C19orf47: variants seen among roughly 807,000 people sequenced by gnomAD.
C19orf47 encodes uncharacterized protein C19orf47.
In C19orf47, 18 loss-of-function variants were observed where a neutral mutation model predicts 32.3. The ratio of observed to expected loss-of-function variants is 0.56; its 90% CI spans 0.39 to 0.83. C19orf47 has a LOEUF of 0.83. Among genes scored for constraint, C19orf47 ranks in the 40% least tolerant of loss-of-function variants. The pLI is 0.00. For synonymous variants in C19orf47, 202 were observed against 211.1 expected, an observed-to-expected ratio of 0.96 and a Z score of 0.37; for missense variants, 484 against 531.6, an observed-to-expected ratio of 0.91 and a Z score of 0.88.
rs1455820318 is a variant in C19orf47 at position 40,320,045 on chromosome 19, C to G, written c.*1837G>C. ...CTCCGGTCTAACATCTAGGCGGGCC[C>G]TATGATTCTCATCTTCTCTAGCCCC... On this transcript the variant is annotated 3_prime_UTR_variant, in exon 9 of 9. Coordinates refer to ENST00000683109, the MANE Select transcript of C19orf47 (RefSeq NM_001256441.2). 1 of 154,176 alleles carries G rather than the reference C, an allele frequency of 6.5e-6. No homozygotes were observed. The highest frequency in any genetic ancestry group is 1.5e-5 in the Non-Finnish European group (1 of 68,388). The allele number at this position is 154,176 out of a possible 1,614,324, so 9.6% of individuals were successfully genotyped here.
chr19:40,297,657 A>G, the C19orf47 span, among the ~76,000 whole-genome samples: 3 of 137,038 alleles, frequency 2.2e-5, no homozygotes, highest in Admixed American at 7.7e-5. Flanking sequence ...GCGAGATTGC[A>G]CCACTGCACT....
intron 1 of C19orf47, among the ~76,000 whole-genome samples, chr19:40,342,726 G>C (rs1264726889): frequency 2.0e-5 from 3 of 152,168 alleles, no homozygotes; most frequent in African/African-American, 7.2e-5. Context: ...TAAAGGGAGG[G>C]AAGCAATGAG....
the C19orf47 span, among the ~76,000 whole-genome samples, chr19:40,306,947 G>A: frequency 6.6e-6 from 1 of 151,552 alleles, no homozygotes; most frequent in Admixed American, 6.6e-5. Context: ...CCGCCACCTA[G>A]CCCGGCTAAT....
At chr19:40,318,922 C>T (rs1017475275), downstream of C19orf47, among the ~76,000 whole-genome samples, 3 of 152,198 alleles carry the variant, frequency 2.0e-5, no homozygotes, top group Admixed American at 6.5e-5. Context: ...TGGATGATGG[C>T]GAAGGGTACA....
chr19:40,345,448 C>A (rs1278101049), intron 1 of C19orf47, among the ~76,000 whole-genome samples: 3 of 151,348 alleles, frequency 2.0e-5, no homozygotes, highest in African/African-American at 7.3e-5. Context: ...CCTGTAGTCC[C>A]AGCACTTTGG....
In C19orf47 at chr19:40,348,382, C is replaced by A; in HGVS notation, c.-92G>T. 7.0e-7 allele frequency: 1 copy of A among 1,436,958 alleles called. No homozygotes were observed. The highest frequency in any genetic ancestry group is 9.1e-7 in the Non-Finnish European group (1 of 1,095,940). The allele number at this position is 1,436,958 out of a possible 1,614,324, so 89.0% of individuals were successfully genotyped here. ...CCGCCCTCCCTCCCGGCGGCGCCAACTGTCAGACACTCCTCCCCCGGCCCG... is the reference window on the plus strand; with the variant it reads ...CCGCCCTCCCTCCCGGCGGCGCCAAATGTCAGACACTCCTCCCCCGGCCCG... On this transcript the variant is annotated 5_prime_UTR_variant, in exon 1 of 9. Transcript: ENST00000683109.
chr19:40,316,015 G>C (rs2077659850), downstream of C19orf47, among the ~76,000 whole-genome samples: 3 of 151,938 alleles, frequency 2.0e-5, no homozygotes, highest in African/African-American at 7.3e-5. Flanking sequence ...AAAAAAGAGA[G>C]AGAGAGAGAG....
intron 1 of C19orf47, among the ~76,000 whole-genome samples, chr19:40,343,035 G>C (rs1161005597): frequency 1.3e-5 from 2 of 152,150 alleles, no homozygotes; most frequent in African/African-American, 4.8e-5. Flanking sequence ...TGTTGAATGG[G>C]AACTAAAGGA....
At chr19:40,328,104 A>G (rs2077870678) in intron 6 of C19orf47, among the ~76,000 whole-genome samples, 1 of 152,118 alleles carries the variant, frequency 6.6e-6, no homozygotes, top group African/African-American at 2.4e-5. Flanking sequence ...GGCTCGGTGA[A>G]GACCTGTTCA....
Position 40,336,550 on chromosome 19 carries a change from G to C in C19orf47, c.20-143C>G, listed in dbSNP as rs1600203388. ...TGGAGTGCTCCACACACACATGATGGAACTGAGCCTTCCTGACCCTGTGAG... is the reference window on the plus strand; with the variant it reads ...TGGAGTGCTCCACACACACATGATGCAACTGAGCCTTCCTGACCCTGTGAG... On this transcript the variant is annotated intron_variant, in intron 2 of 8. Coordinates refer to ENST00000683109, the MANE Select transcript of C19orf47 (RefSeq NM_001256441.2). The C allele has an allele frequency of 4.2e-6, 3 of 712,812 alleles. No individual in the cohort carries two copies. The East Asian group carries it at 8.2e-5, about 19-fold the overall frequency. The allele number at this position is 712,812 out of a possible 1,614,324, so 44.2% of individuals were successfully genotyped here. A position where few individuals can be genotyped will look rare whatever the true frequency, so the allele number is the denominator to read the frequency against.
the C19orf47 span, among the ~76,000 whole-genome samples, chr19:40,308,179 C>A: frequency 3.3e-5 from 5 of 151,524 alleles, no homozygotes; most frequent in Non-Finnish European, 7.4e-5. Context: ...TATTTAGAAA[C>A]GAAGTCTCAC....
At chr19:40,345,222 G>A (rs2078249265) in intron 1 of C19orf47, among the ~76,000 whole-genome samples, 1 of 152,060 alleles carries the variant, frequency 6.6e-6, no homozygotes, top group South Asian at 2.1e-4. Flanking sequence ...TTTCCGAATA[G>A]TGAAAATTAT....
Position 40,326,352 on chromosome 19 carries a change from G to A in C19orf47, c.574C>T (p.Gln192Ter). The A allele has an allele frequency of 6.2e-7, 1 of 1,614,200 alleles. No homozygotes were observed. Among genetic ancestry groups the A allele is most frequent in the African/African-American group, 1.3e-5 (1 of 75,056 alleles). The change falls in exon 7 of 9, where the codon CAG (glutamine) becomes TAG (stop). Residue 192 changes from glutamine (Q) to a stop codon, truncating the protein, a stop_gained. Transcript: ENST00000683109. LOFTEE classifies it high-confidence loss of function. The stretch of plus-strand genomic sequence containing the variant: ...CCAGTACCTTTTGCAGCCTGCTGCT[G>A]CTCCAGGATCTTGCGGGTGCGGGGT... The part of the protein sequence containing the change: ...TTPRTRKILE[Q>*]QQAAKGLHRT...
At chr19:40,343,025 T>G (rs1237968188) in intron 1 of C19orf47, among the ~76,000 whole-genome samples, 4 of 152,178 alleles carry the variant, frequency 2.6e-5, no homozygotes, top group Non-Finnish European at 5.9e-5. Context: ...TTAAAAGCAG[T>G]GTTGAATGGG....
At chr19:40,347,047 A>G (rs1600229609) in intron 1 of C19orf47, among the ~76,000 whole-genome samples, 1 of 152,292 alleles carries the variant, frequency 6.6e-6, no homozygotes, top group East Asian at 1.9e-4. Flanking sequence ...ATGGGGGTCC[A>G]TGGGATCTGA....
At chr19:40,338,368 CAT>C (rs564214904) in intron 2 of C19orf47, among the ~76,000 whole-genome samples, 5 of 146,056 alleles carry the variant, frequency 3.4e-5, no homozygotes, top group Non-Finnish European at 4.5e-5. Context: ...CACACAAATA[CAT>C]ATATATATAT....
At chr19:40,335,910 G>A (rs1226663709) in intron 4 of C19orf47, among the ~76,000 whole-genome samples, 200 bp downstream of exon 4, 1 of 152,220 alleles carries the variant, frequency 6.6e-6, no homozygotes, top group African/African-American at 2.4e-5. Context: ...CACCCGGCCA[G>A]GTTTGCCTCT....
Position 40,321,745 on chromosome 19 carries a change from C to T in C19orf47, c.*137G>A, listed in dbSNP as rs990983622. ...GAAATGGGGTGATCCCCCGAATGCTCGGGCCTAGCTCTAGAGCCCGAGGGA... is the reference window on the plus strand; with the variant it reads ...GAAATGGGGTGATCCCCCGAATGCTTGGGCCTAGCTCTAGAGCCCGAGGGA... On this transcript the variant is annotated 3_prime_UTR_variant, in exon 9 of 9. Coordinates refer to ENST00000683109, the MANE Select transcript of C19orf47 (RefSeq NM_001256441.2). 2.8e-6 allele frequency: 4 copies of T among 1,432,634 alleles called. No individual in the cohort carries two copies. Among genetic ancestry groups the T allele is most frequent in the East Asian group, 2.5e-5 (1 of 39,764 alleles). The allele number at this position is 1,432,634 out of a possible 1,614,324, so 88.7% of individuals were successfully genotyped here. A position where few individuals can be genotyped will look rare whatever the true frequency, so the allele number is the denominator to read the frequency against.
downstream of C19orf47, among the ~76,000 whole-genome samples, chr19:40,317,545 T>G (rs999765807): frequency 6.6e-6 from 1 of 151,004 alleles, no homozygotes; most frequent in Non-Finnish European, 1.5e-5. Flanking sequence ...GTATAACGGG[T>G]GGGCCACTGT....
Sources: allele counts gnomAD v4.1 joint callset (sites outside exome capture counted in the v4.1 genomes callset), GRCh38; gene constraint gnomAD v4.1.1; transcripts MANE v1.5; gene names NCBI Gene and HGNC (gene_info 2026-07-23, HGNC 2026-07-21).